IRAK1BP1: variants seen among roughly 807,000 people sequenced by gnomAD.
The protein encoded by IRAK1BP1 is interleukin 1 receptor associated kinase 1 binding protein 1, also known as interleukin-1 receptor-associated kinase 1-binding protein 1.
IRAK1BP1 carries 24 observed loss-of-function variants against 28.0 expected under a neutral mutation model. That is an observed-to-expected ratio of 0.86 (90% CI 0.62 to 1.20). IRAK1BP1 has a LOEUF of 1.20. Ranked by LOEUF, IRAK1BP1 falls within the 50% of genes most tolerant of loss-of-function variation. The pLI, the probability that IRAK1BP1 is intolerant of heterozygous loss-of-function variation, is 0.00. For missense variants in IRAK1BP1, 336 were observed against 316.7 expected (o/e 1.06, Z -0.46); for synonymous variants, 131 against 116.3 (o/e 1.13, Z -0.81).
intron 2 of IRAK1BP1, among the ~76,000 whole-genome samples, chr6:78,889,179 T>A (rs927456819): frequency 2.0e-5 from 3 of 147,454 alleles, no homozygotes; most frequent in Non-Finnish European, 3.0e-5. Context: ...TTTGACATAA[T>A]GTCCAAAAAT....
the IRAK1BP1 span, chr6:78,957,570 G>A: frequency 1.3e-5 from 2 of 148,252 alleles, no homozygotes; most frequent in Admixed American, 1.3e-4. Context: ...ATGAAGCAGG[G>A]ATGTTTATTA....
At chr6:78,924,555 TA>T (rs1772834923) in intron 4 of IRAK1BP1, among the ~76,000 whole-genome samples, 1 of 152,224 alleles carries the variant, frequency 6.6e-6, no homozygotes, top group Non-Finnish European at 1.5e-5. Flanking sequence ...GAATCCTCCC[TA>T]ACTCATTTTA....
intron 2 of IRAK1BP1, among the ~76,000 whole-genome samples, chr6:78,889,013 A>C (rs1336763316): frequency 2.0e-5 from 3 of 150,970 alleles, no homozygotes; most frequent in African/African-American, 7.3e-5. Flanking sequence ...TCTACTCTGG[A>C]AGCTGGGGTG....
intron 4 of IRAK1BP1, among the ~76,000 whole-genome samples, chr6:78,920,688 A>G (rs930380915): frequency 6.6e-6 from 1 of 152,222 alleles, no homozygotes; most frequent in South Asian, 2.1e-4. Flanking sequence ...AAACACTAGA[A>G]GGAAACTGAG....
chr6:78,869,518 A>G (rs887183090), intron 1 of IRAK1BP1, among the ~76,000 whole-genome samples: 1 of 152,208 alleles, frequency 6.6e-6, no homozygotes, highest in Non-Finnish European at 1.5e-5. Context: ...TCTGTCTCAA[A>G]TAAGTAGTAA....
chr6:78,962,330 A>G, the IRAK1BP1 span, among the ~76,000 whole-genome samples: 15 of 152,196 alleles, frequency 9.9e-5, no homozygotes, highest in South Asian at 2.1e-4. Flanking sequence ...AGCAAAAACT[A>G]TAACTAGTTA....
At chr6:78,926,582 T>A (rs554997641) in intron 4 of IRAK1BP1, among the ~76,000 whole-genome samples, 1 of 152,138 alleles carries the variant, frequency 6.6e-6, no homozygotes, top group Non-Finnish European at 1.5e-5. Context: ...TTTAAAAATA[T>A]ACAATTAAAT....
At chr6:78,939,635 A>C (rs1266420215) in intron 4 of IRAK1BP1, 2 of 152,012 alleles carry the variant, frequency 1.3e-5, no homozygotes, top group Admixed American at 6.6e-5. Flanking sequence ...ACACATACAC[A>C]CACAGACACG....
chr6:78,926,051 G>A (rs919143656), intron 4 of IRAK1BP1, among the ~76,000 whole-genome samples: 2 of 151,980 alleles, frequency 1.3e-5, no homozygotes, highest in African/African-American at 4.8e-5. Flanking sequence ...GAGGGTGGGA[G>A]GAGGGTGAAG....
chr6:78,889,128 A>G (rs1430638535), intron 2 of IRAK1BP1, among the ~76,000 whole-genome samples: 9 of 148,806 alleles, frequency 6.0e-5, no homozygotes, highest in Admixed American at 2.7e-4. Flanking sequence ...AAAAAAAAAA[A>G]AAAAAAGAAA....
At chr6:78,931,182 C>G (rs150238039) in intron 4 of IRAK1BP1, among the ~76,000 whole-genome samples, 2 of 152,232 alleles carry the variant, frequency 1.3e-5, no homozygotes, top group Non-Finnish European at 2.9e-5. Context: ...AAGAGGATTA[C>G]TTTAGCCCAG....
chr6:78,975,117 A>T, the IRAK1BP1 span, among the ~76,000 whole-genome samples: 1 of 151,870 alleles, frequency 6.6e-6, no homozygotes, highest in East Asian at 1.9e-4. Flanking sequence ...TGATGCAAAA[A>T]TCCTCAATAA....
At chr6:78,973,674 T>TGG in the IRAK1BP1 span, among the ~76,000 whole-genome samples, 1 of 149,854 alleles carries the variant, frequency 6.7e-6, no homozygotes, top group South Asian at 2.2e-4. Flanking sequence ...AATAAAAGGA[T>TGG]GGAGGAAGAT....
chr6:78,970,807 GT>G, the IRAK1BP1 span: 1 of 1,608,872 alleles, frequency 6.2e-7, no homozygotes, highest in Non-Finnish European at 8.5e-7. Flanking sequence ...TGCCATGGTT[GT>G]TTTTTGGGAT....
intron 4 of IRAK1BP1, among the ~76,000 whole-genome samples, chr6:78,942,819 T>C (rs1304374823): frequency 6.6e-6 from 1 of 152,220 alleles, no homozygotes; most frequent in Non-Finnish European, 1.5e-5. Flanking sequence ...AAATTTTGTA[T>C]GGATATGTTT....
In IRAK1BP1 at chr6:78,913,383, C is replaced by A. The variant is rs530786670; in HGVS notation, c.*67+10273C>A. Among the ~76,000 whole-genome samples the A allele has an allele frequency of 1.2e-3, 180 of 151,900 alleles. 4 individuals carry two copies. Among genetic ancestry groups the A allele is most frequent in the Admixed American group, 0.011 (167 of 15,258 alleles). On this transcript the variant is annotated intron_variant and NMD_transcript_variant, in intron 4 of 4. Coordinates refer to the IRAK1BP1 transcript ENST00000606868. Reference sequence around the variant, plus strand: ...TACTGGGGCCGGGCGCAGTGGCTCACGCCTGTAATCCCAACATTTTGGGAG... The same window carrying A: ...TACTGGGGCCGGGCGCAGTGGCTCAAGCCTGTAATCCCAACATTTTGGGAG...
chr6:78,904,229 A>G (rs1772201756), downstream of IRAK1BP1, among the ~76,000 whole-genome samples: 1 of 152,232 alleles, frequency 6.6e-6, no homozygotes, highest in Non-Finnish European at 1.5e-5. Context: ...GTTTGTGGCT[A>G]TGCAACAACA....
chr6:78,973,940 C>A, the IRAK1BP1 span, among the ~76,000 whole-genome samples: 1 of 151,874 alleles, frequency 6.6e-6, no homozygotes, highest in Non-Finnish European at 1.5e-5. Context: ...GACTTTAACA[C>A]CCCACTGTCA....
At chr6:78,968,050 G>C in the IRAK1BP1 span, among the ~76,000 whole-genome samples, 1 of 152,062 alleles carries the variant, frequency 6.6e-6, no homozygotes, top group Non-Finnish European at 1.5e-5. Context: ...AGGTAGAATG[G>C]TGTGAACCTG....
Sources: allele counts gnomAD v4.1 joint callset (sites outside exome capture counted in the v4.1 genomes callset), GRCh38; gene constraint gnomAD v4.1.1; transcripts MANE v1.5; gene names NCBI Gene and HGNC (gene_info 2026-07-23, HGNC 2026-07-21).